Variants in RAD51B observed in about 807,000 individuals in gnomAD.
The protein encoded by RAD51B is RAD51 paralog B.
A neutral mutation model predicts 42.2 loss-of-function variants in RAD51B; 38 were observed. That is an observed-to-expected ratio of 0.90 (90% CI 0.70 to 1.18). RAD51B has a LOEUF of 1.18. Ranked by LOEUF, RAD51B falls within the 50% of genes most tolerant of loss-of-function variation. RAD51B has a pLI of 0.00. For missense variants in RAD51B, 373 were observed against 400.7 expected (o/e 0.93, Z 0.59); for synonymous variants, 154 against 145.2 (o/e 1.06, Z -0.43).
chr14:68,190,242 G>A (rs1474380944), intron 7 of RAD51B, among the ~76,000 whole-genome samples: 1 of 152,082 alleles, frequency 6.6e-6, no homozygotes, highest in Non-Finnish European at 1.5e-5. Context: ...ATTTACATTA[G>A]GCACTCAAAG....
chr14:68,603,598 C>T (rs1184058914), intron 10 of RAD51B, among the ~76,000 whole-genome samples: 1 of 152,058 alleles, frequency 6.6e-6, no homozygotes, highest in Non-Finnish European at 1.5e-5. Context: ...TAAGGCAACC[C>T]GAGACTTCCT....
intron 7 of RAD51B, among the ~76,000 whole-genome samples, chr14:68,002,708 G>C (rs2075509009): frequency 6.6e-6 from 1 of 152,126 alleles, no homozygotes; most frequent in Admixed American, 6.5e-5. Flanking sequence ...TTTTGTATAT[G>C]GTGTAAGGAA....
chr14:68,094,658 C>T (rs1282798731), intron 7 of RAD51B, among the ~76,000 whole-genome samples: 2 of 152,022 alleles, frequency 1.3e-5, no homozygotes, highest in Non-Finnish European at 2.9e-5. Flanking sequence ...CAACAGAGGC[C>T]TTGGACAGAC....
intron 7 of RAD51B, among the ~76,000 whole-genome samples, chr14:68,040,165 T>G (rs996265447): frequency 2.0e-5 from 3 of 152,202 alleles, no homozygotes; most frequent in African/African-American, 7.2e-5. Flanking sequence ...AAAGTATAGC[T>G]TCTAAGACTT....
intron 10 of RAD51B, chr14:68,497,416 C>T (rs1884607060): frequency 9.0e-7 from 1 of 1,111,722 alleles, no homozygotes; most frequent in Non-Finnish European, 1.1e-6. Context: ...ATGGCACTGA[C>T]AATGGGCACA....
At chr14:68,523,291 A>G (rs1023530) in intron 10 of RAD51B, among the ~76,000 whole-genome samples, 34,668 of 152,122 alleles carry the variant, frequency 0.23, 4,482 homozygotes, top group East Asian at 0.63. Flanking sequence ...ACAGTCCCCA[A>G]GGAGAGTTCC....
intron 7 of RAD51B, among the ~76,000 whole-genome samples, chr14:68,132,034 A>G (rs1595445699): frequency 6.6e-6 from 1 of 152,368 alleles, no homozygotes. Context: ...CAGAAAGGAC[A>G]GGGAAAGAAC....
intron 10 of RAD51B, among the ~76,000 whole-genome samples, chr14:68,632,168 G>A (rs1892242930): frequency 6.6e-6 from 1 of 151,946 alleles, no homozygotes. Flanking sequence ...CGCTTTCTTT[G>A]CCTCCGAGGC....
chr14:68,432,354 T>C (rs1321114517), intron 9 of RAD51B, among the ~76,000 whole-genome samples: 2 of 152,224 alleles, frequency 1.3e-5, no homozygotes, highest in African/African-American at 4.8e-5. Flanking sequence ...AGTGGGGTGT[T>C]AAAGTCTCCC....
In RAD51B at chr14:67,858,631, G is replaced by A. The variant is rs1595014049; in HGVS notation, c.316-6372G>A. 2.0e-5 allele frequency among the ~76,000 whole-genome samples: 3 copies of A among 152,216 alleles called. No individual in the cohort carries two copies. In the South Asian group the frequency reaches 6.2e-4, roughly 31 times the overall value. The stretch of plus-strand genomic sequence containing the variant: ...TAGGTATACGTAAAATAGGTGAAGG[G>A]TGAGGATCAGTCCAGAGGAAAGCGT... On this transcript the variant is annotated intron_variant, in intron 4 of 10. Transcript: ENST00000471583.
intron 10 of RAD51B, among the ~76,000 whole-genome samples, chr14:68,538,052 G>A (rs1566930669): frequency 6.6e-6 from 1 of 152,150 alleles, no homozygotes; most frequent in Non-Finnish European, 1.5e-5. Flanking sequence ...CTTGCTAGGA[G>A]GGGACCCTGA....
chr14:68,621,984 C>T (rs923159796), intron 10 of RAD51B, among the ~76,000 whole-genome samples: 9 of 152,202 alleles, frequency 5.9e-5, no homozygotes, highest in African/African-American at 2.2e-4. Flanking sequence ...AGCACAGGCC[C>T]ACAGAGGGTT....
At chr14:68,409,118 T>C (rs896455320) in intron 8 of RAD51B, among the ~76,000 whole-genome samples, 6 of 152,362 alleles carry the variant, frequency 3.9e-5, no homozygotes, top group African/African-American at 1.4e-4. Context: ...TCTCTGTGAA[T>C]ATAGAAAAAG....
intron 7 of RAD51B, among the ~76,000 whole-genome samples, chr14:68,168,802 T>C (rs2078808201): frequency 6.6e-6 from 1 of 152,342 alleles, no homozygotes; most frequent in South Asian, 2.1e-4. Flanking sequence ...GACTCTCATA[T>C]TGATGTGCAA....
intron 7 of RAD51B, among the ~76,000 whole-genome samples, chr14:67,988,176 C>T (rs2075227211): frequency 6.6e-6 from 1 of 151,914 alleles, no homozygotes; most frequent in Non-Finnish European, 1.5e-5. Flanking sequence ...AAATGAAAAA[C>T]AAGGCTAGGT....
intron 10 of RAD51B, among the ~76,000 whole-genome samples, chr14:68,570,896 C>CACACAT (rs1175785400): frequency 9.1e-6 from 1 of 110,078 alleles, no homozygotes; most frequent in Non-Finnish European, 2.2e-5. Context: ...CACACACACA[C>CACACAT]ATGCACACAC....
intron 11 of RAD51B, among the ~76,000 whole-genome samples, chr14:68,655,260 C>T (rs1235077512): frequency 6.6e-6 from 1 of 152,104 alleles, no homozygotes; most frequent in Non-Finnish European, 1.5e-5. Context: ...GCTAGCCTAT[C>T]TCTTGGTTTC....
At chr14:68,528,949 G>A (rs1162386983) in intron 10 of RAD51B, among the ~76,000 whole-genome samples, 1 of 152,178 alleles carries the variant, frequency 6.6e-6, no homozygotes, top group Non-Finnish European at 1.5e-5. Flanking sequence ...GTCTGCAGAA[G>A]AAACCCTGGT....
At chr14:67,835,234 T>C (rs1045549921) in intron 4 of RAD51B, 38 bp downstream of exon 4, 1 of 1,406,762 alleles carries the variant, frequency 7.1e-7, no homozygotes, top group Non-Finnish European at 1.0e-6. Flanking sequence ...TCCATTGACC[T>C]ATAACCTTCA....
Sources: allele counts gnomAD v4.1 joint callset (sites outside exome capture counted in the v4.1 genomes callset), GRCh38; gene constraint gnomAD v4.1.1; transcripts MANE v1.5; gene names NCBI Gene and HGNC (gene_info 2026-07-23, HGNC 2026-07-21).